The following ADRA1A variants were observed in gnomAD, a reference collection of about 807,000 sequenced individuals.
ADRA1A encodes alpha-1A adrenergic receptor.
Under a neutral mutation model 29.6 loss-of-function variants are expected in ADRA1A, and 31 were observed. The ratio of observed to expected loss-of-function variants is 1.05; its 90% confidence interval spans 0.79 to 1.41. ADRA1A has a LOEUF of 1.41. Ranked by LOEUF, ADRA1A falls within the 40% of genes most tolerant of loss-of-function variation. The probability of loss-of-function intolerance (pLI) is 0.00; values close to 1 mark genes in which losing one functional copy is unlikely to be tolerated. For synonymous variants in ADRA1A, 311 were observed against 254.3 expected (o/e 1.22, Z -2.12); for missense variants, 619 against 601.1 (o/e 1.03, Z -0.31).
downstream of ADRA1A, chr8:26,756,299 G>T: frequency 1.9e-6 from 1 of 529,804 alleles, no homozygotes; most frequent in Non-Finnish European, 2.9e-6. Context: ...CAGTATACTT[G>T]ATGAATACAT....
In ADRA1A at chr8:26,865,044, G is replaced by C. The variant is rs61757012; in HGVS notation, c.-75C>G. ...GGCTGGCGCGGAGGCGGGAGCGCGG[G>C]AGCCGGGAATCAAAAGGTCTCGGCT... On this transcript the variant is annotated 5_prime_UTR_variant, in exon 2 of 3. Transcript: ENST00000380573. The surrounding 1 kb of genome is among the most constrained non-coding windows in gnomAD (Gnocchi z 7.6). 25 of 1,518,306 alleles carry C rather than the reference G, an allele frequency of 1.6e-5. No homozygotes were observed. In the South Asian group the frequency reaches 2.5e-4, roughly 15 times the overall value. The allele number at this position is 1,518,306 out of a possible 1,614,324, so 94.1% of individuals were successfully genotyped here. A position where few individuals can be genotyped will look rare whatever the true frequency, so the allele number is the denominator to read the frequency against.
intron 2 of ADRA1A, among the ~76,000 whole-genome samples, chr8:26,838,392 C>A (rs941068732): frequency 6.6e-6 from 1 of 152,156 alleles, no homozygotes; most frequent in African/African-American, 2.4e-5. Context: ...CCCTTCACCC[C>A]GCTGCTCATC....
intron 2 of ADRA1A, among the ~76,000 whole-genome samples, chr8:26,757,303 C>T (rs541122219): frequency 9.8e-5 from 15 of 152,296 alleles, no homozygotes; most frequent in South Asian, 2.1e-4. Flanking sequence ...CTGACTACCC[C>T]GTCAGCCTGA....
At chr8:26,846,302 G>T (rs1812195087) in intron 2 of ADRA1A, among the ~76,000 whole-genome samples, 1 of 152,172 alleles carries the variant, frequency 6.6e-6, no homozygotes, top group Non-Finnish European at 1.5e-5. Context: ...TAAATTTCAG[G>T]AATTCCTGTA....
chr8:26,756,830 T>C (rs775132915), intron 2 of ADRA1A: 1 of 1,595,514 alleles, frequency 6.3e-7, no homozygotes, highest in Non-Finnish European at 8.6e-7. Context: ...ATTTTTAATA[T>C]CCTAGGCATC....
At chr8:26,779,188 G>C in intron 2 of ADRA1A, 1 of 644,204 alleles carries the variant, frequency 1.6e-6, no homozygotes, top group South Asian at 1.8e-5. Context: ...TCTCACTGTA[G>C]TGCAAGATGG....
chr8:26,824,894 G>T (rs914359730), intron 2 of ADRA1A, among the ~76,000 whole-genome samples: 5 of 152,160 alleles, frequency 3.3e-5, no homozygotes. Flanking sequence ...AGAAAAGACA[G>T]CAAGACTCTC....
At chr8:26,793,103 T>G (rs1242959646) in intron 2 of ADRA1A, among the ~76,000 whole-genome samples, 3 of 151,898 alleles carry the variant, frequency 2.0e-5, no homozygotes, top group Non-Finnish European at 4.4e-5. Flanking sequence ...ATAAAGCATT[T>G]CATGGAATAG....
rs1212428545 is a variant in ADRA1A, at chr8:26,860,788, C to T, written c.883+3299G>A. Among the ~76,000 whole-genome samples the T allele has an allele frequency of 1.3e-5, 2 of 152,098 alleles. No individual in the cohort carries two copies. The highest frequency in any genetic ancestry group is 2.1e-4 in the South Asian group (1 of 4,824). ...AATGCTCCCCTTGGGCACTGAATCCCGTTGCCTCTTTTGCCTATCCCATCA... is the reference window on the plus strand; with the variant it reads ...AATGCTCCCCTTGGGCACTGAATCCTGTTGCCTCTTTTGCCTATCCCATCA... On this transcript the variant is annotated intron_variant, in intron 2 of 2. Transcript: ENST00000380573. The surrounding 1 kb of genome is among the most constrained non-coding windows in gnomAD (Gnocchi z 4.7).
chr8:26,749,657 G>A (rs1563224364), intron 2 of ADRA1A, among the ~76,000 whole-genome samples: 1 of 152,154 alleles, frequency 6.6e-6, no homozygotes, highest in Non-Finnish European at 1.5e-5. Context: ...AAGACTGTCT[G>A]CTTTTCTCTT....
downstream of ADRA1A, chr8:26,765,849 T>G: frequency 7.1e-7 from 1 of 1,404,976 alleles, no homozygotes. Flanking sequence ...TAAGTAGCTG[T>G]GATCAGAGTG....
At chr8:26,750,992 C>T (rs1804898259) in intron 2 of ADRA1A, among the ~76,000 whole-genome samples, 1 of 151,912 alleles carries the variant, frequency 6.6e-6, no homozygotes, top group Non-Finnish European at 1.5e-5. Flanking sequence ...TCACTTGAAC[C>T]CAGGAGGCGG....
chr8:26,822,265 G>C (rs184388984), intron 2 of ADRA1A, among the ~76,000 whole-genome samples: 2 of 152,280 alleles, frequency 1.3e-5, no homozygotes, highest in Non-Finnish European at 2.9e-5. Flanking sequence ...CTTGATATGA[G>C]AGCAAATCTC....
intron 2 of ADRA1A, among the ~76,000 whole-genome samples, chr8:26,750,468 C>A (rs547591090): frequency 6.6e-6 from 1 of 152,168 alleles, no homozygotes; most frequent in Admixed American, 6.5e-5. Context: ...TCCGAACGTG[C>A]TGGGATTACA....
downstream of ADRA1A, among the ~76,000 whole-genome samples, chr8:26,752,843 G>A (rs1804977701): frequency 6.6e-6 from 1 of 152,174 alleles, no homozygotes; most frequent in South Asian, 2.1e-4. Flanking sequence ...TAACTATACG[G>A]CAGGCATTTC....
At chr8:26,820,238 C>A (rs563189162) in intron 2 of ADRA1A, among the ~76,000 whole-genome samples, 3 of 152,136 alleles carry the variant, frequency 2.0e-5, no homozygotes, top group Non-Finnish European at 4.4e-5. Context: ...ATACTACATA[C>A]CAAATGCTAA....
chr8:26,761,820 G>A (rs1277549250), downstream of ADRA1A, among the ~76,000 whole-genome samples: 2 of 152,164 alleles, frequency 1.3e-5, no homozygotes, highest in African/African-American at 4.8e-5. Flanking sequence ...AAAGTTCCTG[G>A]AACAAGAATA....
intron 2 of ADRA1A, among the ~76,000 whole-genome samples, chr8:26,811,215 C>T (rs1002239721): frequency 4.1e-5 from 6 of 146,210 alleles, no homozygotes; most frequent in Admixed American, 2.9e-4. Flanking sequence ...TTTGTTGAGA[C>T]GGAGTCTCGC....
chr8:26,810,915 A>C (rs891850155), intron 2 of ADRA1A, among the ~76,000 whole-genome samples: 3 of 152,246 alleles, frequency 2.0e-5, no homozygotes, highest in African/African-American at 7.2e-5. Context: ...TGACAAAAAA[A>C]AATCCAAGAT....
Sources: allele counts gnomAD v4.1 joint callset (sites outside exome capture counted in the v4.1 genomes callset), GRCh38; gene constraint gnomAD v4.1.1; non-coding constraint Gnocchi (gnomAD v3.1); transcripts MANE v1.5; gene names NCBI Gene and HGNC (gene_info 2026-07-23, HGNC 2026-07-21).